Variants in ARSB observed in about 807,000 individuals in gnomAD.
ARSB encodes the protein arylsulfatase B, also known as N-acetylgalactosamine-4-sulfatase.
ARSB carries 41 observed loss-of-function variants against 50.9 expected under a neutral mutation model. That is an observed-to-expected ratio of 0.81 (90% CI 0.63 to 1.04). The LOEUF (loss-of-function observed/expected upper bound fraction) is 1.04, where lower values mean the gene tolerates loss of function less well. Among genes scored for constraint, ARSB ranks in the 50% least tolerant of loss-of-function variants. The probability of loss-of-function intolerance (pLI) is 0.00; values close to 1 mark genes in which losing one functional copy is unlikely to be tolerated. For missense variants in ARSB, 672 were observed against 693.3 expected (o/e 0.97, Z 0.35); for synonymous variants, 269 against 284.8 (o/e 0.94, Z 0.56).
chr5:78,873,759 TGCTGGGATTACAGGCGTGAGCCACC>T (rs1747354168), intron 5 of ARSB, among the ~76,000 whole-genome samples: 1 of 151,994 alleles, frequency 6.6e-6, no homozygotes, highest in African/African-American at 2.4e-5. Context: ...CCTCCCAAAG[TGCTGGGATTACAGGCGTGAGCCACC>T]GCACCCGGCC....
intron 4 of ARSB, among the ~76,000 whole-genome samples, chr5:78,906,169 TAAA>T (rs57964996): frequency 7.0e-6 from 1 of 143,820 alleles, no homozygotes. Flanking sequence ...CATAAAAAAT[TAAA>T]AAAAAAAAAA....
Position 78,942,974 on chromosome 5 carries a change from T to C in ARSB, c.898+12321A>G, listed in dbSNP as rs202160852. ...TGAATCTGGGTGCTCCTGTATTGGG[T>C]GCATATATATTTAGGAGAGTTAGCT... On this transcript the variant is annotated intron_variant, in intron 4 of 7. Transcript: ENST00000264914. Among the ~76,000 whole-genome samples, 3 of 152,348 alleles carry C rather than the reference T, an allele frequency of 2.0e-5. No homozygotes were observed. The East Asian group carries it at 5.8e-4, about 29-fold the overall frequency.
chr5:78,794,554 A>G lies in ARSB; in HGVS notation c.1214-12580T>C, dbSNP rs115563316. Among the ~76,000 whole-genome samples the G allele has an allele frequency of 2.8e-3, 432 of 152,306 alleles. 1 individual carries two copies. Among genetic ancestry groups the G allele is most frequent in the African/African-American group, 1.0e-2 (414 of 41,562 alleles). On this transcript the variant is annotated intron_variant, in intron 6 of 7. Coordinates refer to ENST00000264914, the MANE Select transcript of ARSB (RefSeq NM_000046.5). ...CCGATAAGGGAGGCAAAAAGAAAAC[A>G]GAAAACAAAGAAGAGAGGTGGGGTT...
intron 6 of ARSB, among the ~76,000 whole-genome samples, chr5:78,812,851 C>T (rs1403096841): frequency 6.6e-6 from 1 of 151,984 alleles, no homozygotes; most frequent in Non-Finnish European, 1.5e-5. Context: ...ATTAACCGGG[C>T]ATGGTGGCAT....
intron 5 of ARSB, among the ~76,000 whole-genome samples, chr5:78,857,599 C>G (rs952627008): frequency 5.3e-5 from 8 of 152,120 alleles, no homozygotes; most frequent in Admixed American, 3.3e-4. Flanking sequence ...GGGCTCCAGG[C>G]TTATAGGAAC....
chr5:78,809,639 G>A, intron 6 of ARSB, among the ~76,000 whole-genome samples: 1 of 152,252 alleles, frequency 6.6e-6, no homozygotes, highest in Non-Finnish European at 1.5e-5. Flanking sequence ...GGCCGCCAGA[G>A]CCTGCGGCCA....
At chr5:78,897,154 CAT>C (rs1748600710) in intron 4 of ARSB, among the ~76,000 whole-genome samples, 1 of 152,068 alleles carries the variant, frequency 6.6e-6, no homozygotes, top group East Asian at 1.9e-4. Context: ...ATGTGTAAAA[CAT>C]AGAGACTAGA....
intron 4 of ARSB, among the ~76,000 whole-genome samples, chr5:78,901,731 A>G (rs1032779898): frequency 6.6e-6 from 1 of 152,264 alleles, no homozygotes; most frequent in Admixed American, 6.5e-5. Flanking sequence ...ACATTTCTCT[A>G]AAGAAGATAC....
chr5:78,916,987 G>T (rs77410837), intron 4 of ARSB, among the ~76,000 whole-genome samples: 31 of 152,312 alleles, frequency 2.0e-4, no homozygotes, highest in African/African-American at 7.0e-4. Flanking sequence ...AATAATAAAC[G>T]TTGAGAGAAT....
intron 4 of ARSB, among the ~76,000 whole-genome samples, chr5:78,936,034 C>T (rs546621581): frequency 2.5e-5 from 3 of 118,328 alleles, no homozygotes; most frequent in Admixed American, 8.4e-5. Flanking sequence ...TCTCCCCCCC[C>T]ACCTCCCTCC....
intron 5 of ARSB, among the ~76,000 whole-genome samples, chr5:78,843,591 C>A (rs1481529553): frequency 6.6e-6 from 1 of 151,656 alleles, no homozygotes; most frequent in Non-Finnish European, 1.5e-5. Context: ...CCCATTTAAA[C>A]TGCACAGTTA....
At chr5:78,909,256 G>C (rs1749199515) in intron 4 of ARSB, among the ~76,000 whole-genome samples, 1 of 152,054 alleles carries the variant, frequency 6.6e-6, no homozygotes, top group African/African-American at 2.4e-5. Flanking sequence ...GAGAGTACTT[G>C]ACTTAGTAAA....
chr5:78,835,028 T>C (rs1019199520), intron 6 of ARSB, among the ~76,000 whole-genome samples: 3 of 150,700 alleles, frequency 2.0e-5, no homozygotes, highest in Non-Finnish European at 3.0e-5. Flanking sequence ...TAAATTGTAG[T>C]CATCCTAATG....
At chr5:78,851,415 G>A (rs886763611) in intron 5 of ARSB, among the ~76,000 whole-genome samples, 2 of 152,256 alleles carry the variant, frequency 1.3e-5, no homozygotes, top group South Asian at 2.1e-4. Flanking sequence ...TTGCACTGTG[G>A]TCTGAGAGAC....
At chr5:78,915,672 A>G (rs1378799650) in intron 4 of ARSB, among the ~76,000 whole-genome samples, 1 of 152,188 alleles carries the variant, frequency 6.6e-6, no homozygotes, top group Non-Finnish European at 1.5e-5. Context: ...AGTGTTTGGG[A>G]TTTAAAATTT....
chr5:78,892,248 CTTTTTTTTTTTTT>C lies in ARSB; in HGVS notation c.899-6434_899-6422del, dbSNP rs34960858. Among the ~76,000 whole-genome samples the C allele has an allele frequency of 2.6e-4, 23 of 87,242 alleles. No individual in the cohort carries two copies. In the East Asian group the frequency reaches 7.6e-3, roughly 29 times the overall value. 57.2% of individuals were successfully genotyped at this position (87,242 alleles called of 152,430 possible). On this transcript the variant is annotated intron_variant, in intron 4 of 7. Coordinates refer to ENST00000264914, the MANE Select transcript of ARSB (RefSeq NM_000046.5). ...GTCCTCCTAGATTGCATTCTCTATT[CTTTTTTTTTTTTT>C]TTTTTTTTTTTTGAGACAGTGTCTC...
At chr5:78,933,924 A>C (rs1202359840) in intron 4 of ARSB, among the ~76,000 whole-genome samples, 1 of 152,182 alleles carries the variant, frequency 6.6e-6, no homozygotes, top group East Asian at 1.9e-4. Flanking sequence ...GACGAGAGAG[A>C]AGAAAAAGGA....
intron 6 of ARSB, among the ~76,000 whole-genome samples, chr5:78,788,024 G>C (rs1749138006): frequency 6.6e-6 from 1 of 152,176 alleles, no homozygotes; most frequent in Non-Finnish European, 1.5e-5. Flanking sequence ...CAGTTAAACA[G>C]GACATTACAG....
chr5:78,836,512 T>G (rs1744961291), intron 6 of ARSB, among the ~76,000 whole-genome samples: 1 of 152,180 alleles, frequency 6.6e-6, no homozygotes, highest in African/African-American at 2.4e-5. Flanking sequence ...GTCTTATAAT[T>G]CTACCACATA....
Sources: gnomAD v4.1 joint callset for allele counts (sites outside exome capture counted in the v4.1 genomes callset) on GRCh38, gnomAD v4.1.1 for gene constraint, MANE v1.5 for transcripts, NCBI Gene and HGNC (gene_info 2026-07-23, HGNC 2026-07-21) for gene names.